The following NRXN3 variants were observed in gnomAD, a reference collection of about 807,000 sequenced individuals.
The protein encoded by NRXN3 is neurexin 3, also known as neurexin III.
A neutral mutation model predicts 137.6 loss-of-function variants in NRXN3; 32 were observed. The ratio of observed to expected loss-of-function variants is 0.23; its 90% CI spans 0.18 to 0.31. The LOEUF (loss-of-function observed/expected upper bound fraction) is 0.31, where lower values mean the gene tolerates loss of function less well. Among genes scored for constraint, NRXN3 ranks in the 10% least tolerant of loss-of-function variants. NRXN3 has a pLI of 1.00. For synonymous variants in NRXN3, 798 were observed against 784.5 expected, an observed-to-expected ratio of 1.02 and a Z score of -0.29; for missense variants, 1,574 against 2,062.5, an observed-to-expected ratio of 0.76 and a Z score of 4.59.
chr14:79,255,310 A>G (rs1006411176), intron 15 of NRXN3, among the ~76,000 whole-genome samples: 3 of 152,220 alleles, frequency 2.0e-5, no homozygotes, highest in African/African-American at 7.2e-5. Context: ...ATAATAGGCC[A>G]GATTTTCCTA....
intron 19 of NRXN3, among the ~76,000 whole-genome samples, chr14:79,714,670 C>G (rs2098817412): frequency 1.3e-5 from 2 of 152,024 alleles, no homozygotes; most frequent in Admixed American, 1.3e-4. Context: ...TAAAACAATG[C>G]CAGTCATGTC....
chr14:78,236,769 G>A (rs1180013360), intron 1 of NRXN3, among the ~76,000 whole-genome samples: 1 of 142,644 alleles, frequency 7.0e-6, no homozygotes, highest in African/African-American at 2.6e-5. Flanking sequence ...ACTCAAGAGA[G>A]TTGCCCAAGG....
intron 6 of NRXN3, among the ~76,000 whole-genome samples, chr14:78,696,725 C>A (rs565039677): frequency 6.6e-6 from 1 of 152,116 alleles, no homozygotes; most frequent in South Asian, 2.1e-4. Context: ...ATTAATAGTG[C>A]CTCCTTCTTT....
intron 14 of NRXN3, among the ~76,000 whole-genome samples, chr14:78,986,713 C>T (rs2099506606): frequency 6.6e-6 from 1 of 152,044 alleles, no homozygotes. Context: ...CCAGCGCATG[C>T]ACACTCCATT....
chr14:79,510,720 A>G (rs1311746633), intron 16 of NRXN3, among the ~76,000 whole-genome samples: 2 of 152,226 alleles, frequency 1.3e-5, no homozygotes, highest in East Asian at 1.9e-4. Context: ...TGCCTAAAGC[A>G]GTCTACCATT....
At chr14:79,493,225 A>G (rs1433597502) in intron 16 of NRXN3, among the ~76,000 whole-genome samples, 1 of 152,236 alleles carries the variant, frequency 6.6e-6, no homozygotes, top group African/African-American at 2.4e-5. Context: ...GGTGAATCCT[A>G]AGAAAGTGCT....
chr14:78,816,980 T>C (rs2098935552), intron 10 of NRXN3, among the ~76,000 whole-genome samples: 1 of 152,256 alleles, frequency 6.6e-6, no homozygotes, highest in African/African-American at 2.4e-5. Flanking sequence ...CAGAAATCTT[T>C]TAATAGCAAT....
intron 16 of NRXN3, among the ~76,000 whole-genome samples, chr14:79,596,401 G>T (rs2097858854): frequency 6.6e-6 from 1 of 152,138 alleles, no homozygotes; most frequent in African/African-American, 2.4e-5. Flanking sequence ...AAATTTAAAA[G>T]AATCAAGAAA....
At position 79,710,316 on chromosome 14, in the gene NRXN3, C is replaced by T. The variant is rs368547594; in HGVS notation, c.4014+12379C>T. ...ACTCTTAATATAATTACCTCCATAT[C>T]CTGGTTGATTTCAAGCTTTTGAAAG... On this transcript the variant is annotated intron_variant, in intron 19 of 20. Transcript: ENST00000335750. 2.8e-3 allele frequency among the ~76,000 whole-genome samples: 421 copies of T among 152,088 alleles called. 1 individual carries two copies. Among genetic ancestry groups the T allele is most frequent in the African/African-American group, 9.7e-3 (401 of 41,486 alleles).
In NRXN3 at chr14:79,089,565, T is replaced by A. The variant is rs184136191; in HGVS notation, c.3262+101424T>A. Among the ~76,000 whole-genome samples the A allele has an allele frequency of 4.3e-4, 66 of 152,332 alleles. 1 individual carries two copies. The highest frequency in any genetic ancestry group is 1.4e-3 in the African/African-American group (59 of 41,576). On this transcript the variant is annotated intron_variant, in intron 15 of 20. Transcript: ENST00000335750. Reference sequence around the variant, plus strand: ...ACATAGTCATGAACGTTTGCTTTTTTACCTTCTGCCTCTTCAGTTTTTCAA... The same window carrying A: ...ACATAGTCATGAACGTTTGCTTTTTAACCTTCTGCCTCTTCAGTTTTTCAA...
intron 14 of NRXN3, among the ~76,000 whole-genome samples, chr14:78,985,522 T>C (rs991741252): frequency 6.6e-6 from 1 of 152,194 alleles, no homozygotes. Flanking sequence ...GAAGAAGGCA[T>C]TCAGGCTGGT....
At chr14:78,771,403 G>A (rs1323157424) in intron 8 of NRXN3, among the ~76,000 whole-genome samples, 1 of 152,102 alleles carries the variant, frequency 6.6e-6, no homozygotes, top group Non-Finnish European at 1.5e-5. Flanking sequence ...GTATTATGAG[G>A]GCCGCAAAGC....
chr14:78,410,325 G>A (rs929935214), intron 4 of NRXN3, among the ~76,000 whole-genome samples: 6 of 152,340 alleles, frequency 3.9e-5, no homozygotes, highest in Admixed American at 1.3e-4. Flanking sequence ...CTGTTAGATG[G>A]CGTGGTCCCT....
rs181538787 is a variant in NRXN3 at position 79,846,271 on chromosome 14, T to C, written c.4094-15071T>C. ...AAGCAAAGCACAATAAAACAAGATATACCTGTATTTGTTTTTAAATATAAA... is the reference window on the plus strand; with the variant it reads ...AAGCAAAGCACAATAAAACAAGATACACCTGTATTTGTTTTTAAATATAAA... On this transcript the variant is annotated intron_variant, in intron 20 of 20. Transcript: ENST00000335750. Among the ~76,000 whole-genome samples, 476 of 152,226 alleles carry C rather than the reference T, an allele frequency of 3.1e-3. 4 individuals are homozygous for C. The highest frequency in any genetic ancestry group is 0.011 in the African/African-American group (457 of 41,542).
rs572831551 is a variant in NRXN3 at position 78,625,294 on chromosome 14, G to C, written c.758-19826G>C. On this transcript the variant is annotated intron_variant, in intron 4 of 20. Transcript: ENST00000335750. ...GCTTTTAAGATTTATCCATGATAGA[G>C]TATAAGATAAGCCATGGGACTTGCT... 2.4e-4 allele frequency among the ~76,000 whole-genome samples: 37 copies of C among 152,318 alleles called. No individual in the cohort carries two copies. The South Asian group carries it at 7.7e-3, about 32-fold the overall frequency.
intron 16 of NRXN3, among the ~76,000 whole-genome samples, chr14:79,525,387 G>T (rs1601634631): frequency 6.6e-6 from 1 of 152,178 alleles, no homozygotes; most frequent in Non-Finnish European, 1.5e-5. Context: ...CCTGCATGGA[G>T]GGCACAAATC....
chr14:79,824,227 T>A lies in NRXN3; in HGVS notation c.4093+19037T>A, dbSNP rs192169208. Among the ~76,000 whole-genome samples the A allele has an allele frequency of 2.6e-4, 40 of 152,322 alleles. No individual in the cohort carries two copies. In the Middle Eastern group the frequency reaches 0.014, roughly 52 times the overall value. On this transcript the variant is annotated intron_variant, in intron 20 of 20. Transcript: ENST00000335750. ...TCTTCCTCTTCTGTCTCTCCCTCGATAGGATGTCCAGAAAATTAAATCAGC... is the reference window on the plus strand; with the variant it reads ...TCTTCCTCTTCTGTCTCTCCCTCGAAAGGATGTCCAGAAAATTAAATCAGC...
chr14:79,806,938 TTATATATA>T (rs1296037210), intron 20 of NRXN3, among the ~76,000 whole-genome samples: 114 of 58,072 alleles, frequency 2.0e-3, no homozygotes, highest in South Asian at 7.9e-3. Context: ...GGCTTTAATT[TTATATATA>T]TATATATATA....
In NRXN3 at chr14:78,651,184, G is replaced by A. The variant is rs1177629463; in HGVS notation, c.1079G>A (p.Gly360Asp). ...CACCAGGTGACAATCTCTGTGGATG[G>A]CATTCTTACCACGACGGGCTACACT... ...NLRQVTISVD[G>D]ILTTTGYTQE... is the part of the protein sequence containing the mutation. The change falls in exon 6 of 21, where the codon GGC becomes GAC. Residue 360 changes from glycine to aspartate, a missense_variant. By Grantham distance (94) the Gly-to-Asp change is moderately conservative. Around this residue, in one of 5 missense-constraint regions of NRXN3, gnomAD observed 400 missense variants for 527.3 expected, o/e 0.76. Transcript: ENST00000335750. The A allele has an allele frequency of 1.9e-6, 3 of 1,613,512 alleles. No homozygotes were observed. Among genetic ancestry groups the A allele is most frequent in the South Asian group, 1.1e-5 (1 of 91,012 alleles).
Sources: allele counts gnomAD v4.1 joint callset (sites outside exome capture counted in the v4.1 genomes callset), GRCh38; gene constraint gnomAD v4.1.1; regional missense constraint gnomAD v4.1.1; transcripts MANE v1.5; gene names NCBI Gene and HGNC (gene_info 2026-07-23, HGNC 2026-07-21).